NCOA6: variants seen among roughly 807,000 people sequenced by gnomAD.
NCOA6 encodes the protein nuclear receptor coactivator 6, also known as NRC RAP250.
NCOA6 carries 49 observed loss-of-function variants against 171.4 expected under a neutral mutation model. The ratio of observed to expected loss-of-function variants is 0.29; its 90% CI spans 0.23 to 0.36. The LOEUF (loss-of-function observed/expected upper bound fraction) is 0.36. NCOA6 is among the 10% of genes least tolerant of loss of function. The pLI, the probability that NCOA6 is intolerant of heterozygous loss-of-function variation, is 1.00. For missense variants in NCOA6, 2,248 were observed against 2,554.5 expected (o/e 0.88, Z 2.59); for synonymous variants, 910 against 927.5 (o/e 0.98, Z 0.34).
intron 14 of NCOA6, among the ~76,000 whole-genome samples, chr20:34,726,369 AG>A (rs1199957324): frequency 1.3e-5 from 2 of 152,108 alleles, no homozygotes; most frequent in Admixed American, 6.6e-5. Context: ...ACCAAGAGAG[AG>A]GGGGAGAAAG....
chr20:34,722,584 G>A (rs1314273373), intron 14 of NCOA6, among the ~76,000 whole-genome samples: 1 of 150,928 alleles, frequency 6.6e-6, no homozygotes, highest in Non-Finnish European at 1.5e-5. Context: ...GGAAGCTGAG[G>A]CAGAAGGATC....
Position 34,749,598 on chromosome 20 carries a change from A to T in NCOA6, c.2597T>A (p.Met866Lys). 1 of 1,614,232 alleles carries T rather than the reference A, an allele frequency of 6.2e-7. No individual in the cohort carries two copies. Among genetic ancestry groups the T allele is most frequent in the Non-Finnish European group, 8.5e-7 (1 of 1,180,050 alleles). Residue 866 changes from methionine to lysine, a missense_variant, in exon 9 of 15, where the codon ATG becomes AAG. Transcript: ENST00000359003. Reference sequence around the variant, plus strand: ...GAAGCCTGGATTTTGACCACAGGACATCTGATTTCCATTGGGAGCTCCACT... The same window carrying T: ...GAAGCCTGGATTTTGACCACAGGACTTCTGATTTCCATTGGGAGCTCCACT... ...PFSGAPNGNQ[M>K]SCGQNPGFPV...
chr20:34,734,328 T>A (rs1454794267), intron 12 of NCOA6, among the ~76,000 whole-genome samples: 1 of 151,630 alleles, frequency 6.6e-6, no homozygotes, highest in Admixed American at 6.6e-5. Context: ...CCTCCCAAAG[T>A]CCTGAGATTA....
rs779107211 is a variant in NCOA6 at position 34,754,717 on chromosome 20, C to G, written c.1675+5G>C. ...TGCTGGCTAAACAAATCACAGAAAACAAACCTGCATGCTGGACATTTTGAT... is the reference window on the plus strand; with the variant it reads ...TGCTGGCTAAACAAATCACAGAAAAGAAACCTGCATGCTGGACATTTTGAT... On this transcript the variant is annotated splice_donor_5th_base_variant and intron_variant, in intron 8 of 14. Transcript: ENST00000359003. 6.2e-7 allele frequency: 1 copy of G among 1,614,120 alleles called. No individual in the cohort carries two copies. The highest frequency in any genetic ancestry group is 8.5e-7 in the Non-Finnish European group (1 of 1,180,010).
At chr20:34,802,204 C>A (rs996028505) in intron 1 of NCOA6, among the ~76,000 whole-genome samples, 1 of 152,214 alleles carries the variant, frequency 6.6e-6, no homozygotes, top group Non-Finnish European at 1.5e-5. Flanking sequence ...CGGTGGCTCA[C>A]GCCTATAATC....
At chr20:34,798,261 G>A (rs1404194389) in intron 1 of NCOA6, among the ~76,000 whole-genome samples, 2 of 152,184 alleles carry the variant, frequency 1.3e-5, no homozygotes, top group Non-Finnish European at 2.9e-5. Context: ...AAAACGGGAA[G>A]GACTTTGTCT....
At chr20:34,791,006 A>G (rs1404924814) in intron 2 of NCOA6, among the ~76,000 whole-genome samples, 1 of 152,184 alleles carries the variant, frequency 6.6e-6, no homozygotes, top group African/African-American at 2.4e-5. Context: ...CAGACGGATT[A>G]GTGGTTGTGA....
chr20:34,762,880 T>C (rs1324485901), intron 5 of NCOA6, among the ~76,000 whole-genome samples: 1 of 152,214 alleles, frequency 6.6e-6, no homozygotes, highest in East Asian at 1.9e-4. Context: ...CTTGATAGTA[T>C]AGCTATGTTT....
At chr20:34,768,380 C>T in intron 5 of NCOA6, 84 bp downstream of exon 5, 2 of 1,531,784 alleles carry the variant, frequency 1.3e-6, no homozygotes, top group African/African-American at 1.4e-5. Context: ...CATGAACCCC[C>T]ACCTATCTTG....
chr20:34,764,886 G>T (rs1233319753), intron 5 of NCOA6, among the ~76,000 whole-genome samples: 1 of 151,144 alleles, frequency 6.6e-6, no homozygotes, highest in African/African-American at 2.4e-5. Flanking sequence ...GGCCCAGGTG[G>T]GTGGATCACC....
Position 34,740,509 on chromosome 20 carries a change from G to A in NCOA6, c.5747C>T (p.Ser1916Leu), listed in dbSNP as rs200016636. The A allele has an allele frequency of 4.3e-6, 7 of 1,613,964 alleles. No homozygotes were observed. Among genetic ancestry groups the A allele is most frequent in the East Asian group, 2.2e-5 (1 of 44,892 alleles). Residue 1916 changes from serine (S) to leucine (L), a missense_variant, in exon 11 of 15, where the codon TCG becomes TTG. Ser to Leu is a moderately radical substitution (Grantham distance 145). Transcript: ENST00000359003. ...PGGALPTSVRSIVTTLVPSEL... is the reference protein window; with the variant it reads ...PGGALPTSVRLIVTTLVPSEL... ...GGAGGGTACCAGAGTGGTTACTATC[G>A]AGCGTACACTGGTGGGGAGAGCACC...
chr20:34,789,818 T>C (rs1420990659), intron 2 of NCOA6, among the ~76,000 whole-genome samples: 1 of 151,996 alleles, frequency 6.6e-6, no homozygotes, highest in Non-Finnish European at 1.5e-5. Context: ...CTATAAATAC[T>C]CGGTAAATGT....
intron 1 of NCOA6, among the ~76,000 whole-genome samples, chr20:34,804,093 T>C (rs2078357043): frequency 6.6e-6 from 1 of 151,898 alleles, no homozygotes; most frequent in Non-Finnish European, 1.5e-5. Flanking sequence ...TCCCAGCACT[T>C]TGGGAGGCTG....
intron 1 of NCOA6, among the ~76,000 whole-genome samples, chr20:34,815,484 T>C (rs1426285574): frequency 1.3e-5 from 2 of 152,186 alleles, no homozygotes; most frequent in African/African-American, 4.8e-5. Flanking sequence ...AAAACAATAC[T>C]CAGTTTTCCT....
rs1438015778 is a variant in NCOA6 at position 34,795,752 on chromosome 20, G to A, written c.-163-3189C>T. 3.3e-5 allele frequency among the ~76,000 whole-genome samples: 5 copies of A among 152,188 alleles called. No individual in the cohort carries two copies. The East Asian group carries it at 9.6e-4, about 29-fold the overall frequency. Reference sequence around the variant, plus strand: ...AGCTGGGGGAAACTGAATGTGAACTGAGTAGAAGGTATTAGGGCATTATTT... The same window carrying A: ...AGCTGGGGGAAACTGAATGTGAACTAAGTAGAAGGTATTAGGGCATTATTT... On this transcript the variant is annotated intron_variant, in intron 1 of 14. Coordinates refer to ENST00000359003, the MANE Select transcript of NCOA6 (RefSeq NM_014071.5).
At chr20:34,786,830 A>G (rs2077696664) in intron 2 of NCOA6, among the ~76,000 whole-genome samples, 1 of 152,176 alleles carries the variant, frequency 6.6e-6, no homozygotes. Context: ...TTAACTCAAA[A>G]TGGATTAAAG....
chr20:34,774,375 CCA>C (rs1436808943), intron 4 of NCOA6, among the ~76,000 whole-genome samples: 4 of 152,180 alleles, frequency 2.6e-5, no homozygotes, highest in Non-Finnish European at 4.4e-5. Context: ...TTAGATAGTT[CCA>C]CATTTTTCAA....
At chr20:34,760,337 T>C (rs1002983309) in intron 5 of NCOA6, among the ~76,000 whole-genome samples, 17 of 152,192 alleles carry the variant, frequency 1.1e-4, no homozygotes, top group Non-Finnish European at 2.2e-4. Context: ...GCTACAGAAT[T>C]CTCTGTCATG....
chr20:34,797,215 T>G (rs1487674859), intron 1 of NCOA6, among the ~76,000 whole-genome samples: 1 of 152,066 alleles, frequency 6.6e-6, no homozygotes, highest in Non-Finnish European at 1.5e-5. Flanking sequence ...CGGGAAAGAC[T>G]CCTTCCCTCT....
Sources: allele counts gnomAD v4.1 joint callset (sites outside exome capture counted in the v4.1 genomes callset), GRCh38; gene constraint gnomAD v4.1.1; transcripts MANE v1.5; gene names NCBI Gene and HGNC (gene_info 2026-07-23, HGNC 2026-07-21).